ZEB2: variants seen among roughly 807,000 people sequenced by gnomAD.
The protein encoded by ZEB2 is zinc finger E-box binding homeobox 2.
In ZEB2, 6 loss-of-function variants were observed where a neutral mutation model predicts 99.9. The ratio of observed to expected loss-of-function variants is 0.06; its 90% confidence interval spans 0.03 to 0.12. ZEB2 has a LOEUF of 0.12. ZEB2 is among the 10% of genes least tolerant of loss of function. The probability of loss-of-function intolerance (pLI) is 1.00; values close to 1 mark genes in which losing one functional copy is unlikely to be tolerated. For missense variants in ZEB2, 969 were observed against 1,502.8 expected, an observed-to-expected ratio of 0.64 and a Z score of 5.87; for synonymous variants, 517 against 542.5, an observed-to-expected ratio of 0.95 and a Z score of 0.65.
rs77239950 is a variant in ZEB2, at chr2:144,400,545, A to G, written c.917-275T>C. ...TCTTGTCTGCCATCGGCAGCCTCCT[A>G]TTTAAACAGAGTGTCAGACTAATGT... is the stretch of plus-strand genomic sequence containing the variant. On this transcript the variant is annotated intron_variant, in intron 7 of 9. Coordinates refer to ENST00000627532, the MANE Select transcript of ZEB2 (RefSeq NM_014795.4). 0.059 allele frequency among the ~76,000 whole-genome samples: 8,917 copies of G among 152,294 alleles called. 340 individuals carry two copies. The highest frequency in any genetic ancestry group is 0.12 in the South Asian group (579 of 4,820).
Position 144,389,346 on chromosome 2 carries a change from T to C in ZEB2, c.*105A>G. On this transcript the variant is annotated 3_prime_UTR_variant, in exon 10 of 10. Transcript: ENST00000627532. The surrounding 1 kb of genome is among the most constrained non-coding windows in gnomAD (Gnocchi z 6.8). ...CCTTCTGTCCCTCTCTACAGCTTCC[T>C]GGAAGCGTCAGGCACGTGCATGAAC... 1 of 1,333,406 alleles carries C rather than the reference T, an allele frequency of 7.5e-7. No homozygotes were observed. The highest frequency in any genetic ancestry group is 2.3e-5 in the East Asian group (1 of 43,574). The allele number at this position is 1,333,406 out of a possible 1,614,324, so 82.6% of individuals were successfully genotyped here. A position where few individuals can be genotyped will look rare whatever the true frequency, so the allele number is the denominator to read the frequency against.
At chr2:144,448,086 T>C (rs111994635) in intron 2 of ZEB2, among the ~76,000 whole-genome samples, 1 of 152,182 alleles carries the variant, frequency 6.6e-6, no homozygotes, top group Non-Finnish European at 1.5e-5. Flanking sequence ...ATTATTATAA[T>C]TATTAGCCAA....
chr2:144,449,887 G>A (rs1304540007), intron 2 of ZEB2: 1 of 152,128 alleles, frequency 6.6e-6, no homozygotes, highest in Admixed American at 6.5e-5. Flanking sequence ...CACACAACTC[G>A]GATTCAGAAA....
At chr2:144,469,945 G>A (rs756422222) in intron 2 of ZEB2, among the ~76,000 whole-genome samples, 7 of 152,132 alleles carry the variant, frequency 4.6e-5, no homozygotes, top group Non-Finnish European at 8.8e-5. Context: ...ACAACTTCAC[G>A]CTGTATTACA....
At chr2:144,504,043 A>AGAG (rs1704913667) in intron 2 of ZEB2, 1 of 147,650 alleles carries the variant, frequency 6.8e-6, no homozygotes, top group Admixed American at 6.9e-5. Context: ...CCTGGTAAAG[A>AGAG]GAGGGATTGT....
chr2:144,498,018 T>TATATTATATAATATATATTAATAA (rs1560650874), intron 2 of ZEB2, among the ~76,000 whole-genome samples: 3 of 16,972 alleles, frequency 1.8e-4, no homozygotes, highest in African/African-American at 3.0e-4. Flanking sequence ...TATATTAATA[T>TATATTATATAATATATATTAATAA]TATATATTAT....
chr2:144,400,235 G>A lies in ZEB2; in HGVS notation c.952C>T (p.Arg318Cys). ...CTGTAGGAACCAGAATGGGAGAAAC[G>A]TTTCTTGCAGTTTGGGCACTCGTAA... Reference protein sequence around the residue: ...KPYECPNCKKRFSHSGSYSSH... With the variant: ...KPYECPNCKKCFSHSGSYSSH... The change falls in exon 8 of 10, where the codon CGT becomes TGT. Residue 318 changes from arginine (R) to cysteine (C), a missense_variant. Transcript: ENST00000627532. The A allele has an allele frequency of 1.2e-6, 2 of 1,612,284 alleles. No individual in the cohort carries two copies. Among genetic ancestry groups the A allele is most frequent in the South Asian group, 1.1e-5 (1 of 91,072 alleles).
intron 4 of ZEB2, among the ~76,000 whole-genome samples, chr2:144,409,212 A>T (rs1031338103): frequency 2.6e-5 from 4 of 152,132 alleles, no homozygotes; most frequent in Admixed American, 1.3e-4. Context: ...TCAGTCTCTT[A>T]AAACTAAAAT....
chr2:144,438,073 A>G (rs1415174893), intron 2 of ZEB2, among the ~76,000 whole-genome samples: 3 of 152,346 alleles, frequency 2.0e-5, no homozygotes, highest in Admixed American at 2.0e-4. Context: ...CTTCATCTGA[A>G]GTAGCAACAG....
intron 2 of ZEB2, among the ~76,000 whole-genome samples, chr2:144,505,117 T>G (rs1166377102): frequency 6.6e-6 from 1 of 151,858 alleles, no homozygotes; most frequent in Non-Finnish European, 1.5e-5. Flanking sequence ...TAAACAGGTT[T>G]TAGTCAGAGA....
chr2:144,462,783 C>T (rs1011035457), intron 2 of ZEB2: 6 of 152,116 alleles, frequency 3.9e-5, no homozygotes, highest in African/African-American at 1.4e-4. Flanking sequence ...GAAAGTGAAG[C>T]AGTGCAGTTG....
At chr2:144,501,421 C>T (rs1477731176) in intron 2 of ZEB2, among the ~76,000 whole-genome samples, 1 of 152,196 alleles carries the variant, frequency 6.6e-6, no homozygotes. Context: ...ACCTCTTCAT[C>T]TCCTGCTTTG....
At chr2:144,467,542 G>C (rs1477333261) in intron 2 of ZEB2, among the ~76,000 whole-genome samples, 1 of 152,068 alleles carries the variant, frequency 6.6e-6, no homozygotes, top group East Asian at 1.9e-4. Flanking sequence ...GGTTTGCAGA[G>C]TCTTTAAAAA....
At chr2:144,419,698 A>C (rs1703593877) in intron 4 of ZEB2, among the ~76,000 whole-genome samples, 1 of 152,222 alleles carries the variant, frequency 6.6e-6, no homozygotes. Context: ...TTTGAATTTA[A>C]ATCCTATTAA....
rs1573817676 is a variant in ZEB2 at position 144,514,226 on chromosome 2, G to A, written c.73+3052C>T. ...CTTTGCTTTTTATTAAATGTACATAGCATTGTCTTCTAACTCACGTTCTTG... is the reference window on the plus strand; with the variant it reads ...CTTTGCTTTTTATTAAATGTACATAACATTGTCTTCTAACTCACGTTCTTG... On this transcript the variant is annotated intron_variant, in intron 2 of 9. Coordinates refer to ENST00000627532, the MANE Select transcript of ZEB2 (RefSeq NM_014795.4). The A allele has an allele frequency of 3.0e-5, 6 of 198,820 alleles. 1 individual carries two copies. Among genetic ancestry groups the A allele is most frequent in the Admixed American group, 5.3e-5 (1 of 18,708 alleles). 12.3% of individuals were successfully genotyped at this position (198,820 alleles called of 1,614,324 possible). A position where few individuals can be genotyped will look rare whatever the true frequency, so the allele number is the denominator to read the frequency against.
intron 4 of ZEB2, among the ~76,000 whole-genome samples, chr2:144,414,421 C>A (rs1197632282): frequency 6.6e-6 from 1 of 152,116 alleles, no homozygotes; most frequent in Non-Finnish European, 1.5e-5. Flanking sequence ...GGGCCCTGTG[C>A]GACTGTGCAG....
intron 6 of ZEB2, among the ~76,000 whole-genome samples, chr2:144,402,923 G>A (rs953979928): frequency 1.3e-5 from 2 of 152,166 alleles, no homozygotes; most frequent in Non-Finnish European, 2.9e-5. Context: ...GACTGTGTTT[G>A]CTTATCCTCA....
intron 6 of ZEB2, 149 bp downstream of exon 6, chr2:144,403,767 A>G: frequency 2.1e-6 from 2 of 972,118 alleles, no homozygotes. Context: ...ACCATCAAAA[A>G]ATCATTTAGA....
Position 144,404,760 on chromosome 2 carries a change from C to T in ZEB2, c.592+76G>A, listed in dbSNP as rs1179933633. On this transcript the variant is annotated intron_variant, in intron 5 of 9. Coordinates refer to ENST00000627532, the MANE Select transcript of ZEB2 (RefSeq NM_014795.4). The stretch of plus-strand genomic sequence containing the variant: ...GTTCTTCAAATTTTAAGGTAAACAC[C>T]CAGGCATGTAGTGCATTTGTAATTG... 5 of 1,532,932 alleles carry T rather than the reference C, an allele frequency of 3.3e-6. No homozygotes were observed. The African/African-American group carries it at 6.8e-5, about 21-fold the overall frequency. 95.0% of individuals were successfully genotyped at this position (1,532,932 alleles called of 1,614,324 possible).
Sources: gnomAD v4.1 joint callset for allele counts (sites outside exome capture counted in the v4.1 genomes callset) on GRCh38, gnomAD v4.1.1 for gene constraint, Gnocchi (gnomAD v3.1) non-coding constraint, MANE v1.5 for transcripts, NCBI Gene and HGNC (gene_info 2026-07-23, HGNC 2026-07-21) for gene names.